FNBP4: variants seen among roughly 807,000 people sequenced by gnomAD.
FNBP4 encodes formin binding protein 4.
In FNBP4, 34 loss-of-function variants were observed where a neutral mutation model predicts 119.3. The observed-to-expected ratio is 0.28, with a 90% CI of 0.22 to 0.38. The LOEUF (loss-of-function observed/expected upper bound fraction) is 0.38. Ranked by LOEUF, FNBP4 falls within the 10% of genes least tolerant of loss-of-function variation. The probability of loss-of-function intolerance (pLI) is 1.00; values close to 1 mark genes in which losing one functional copy is unlikely to be tolerated. For missense variants in FNBP4, 1,112 were observed against 1,228.9 expected, an observed-to-expected ratio of 0.90 and a Z score of 1.42; for synonymous variants, 462 against 430.6, an observed-to-expected ratio of 1.07 and a Z score of -0.90.
At chr11:47,761,133 A>G (rs1241913009) in intron 2 of FNBP4, among the ~76,000 whole-genome samples, 1 of 152,234 alleles carries the variant, frequency 6.6e-6, no homozygotes, top group Non-Finnish European at 1.5e-5. Flanking sequence ...ATGAAATATT[A>G]CTAAAGGGAT....
At chr11:47,721,867 G>A (rs1411959648) in intron 15 of FNBP4, among the ~76,000 whole-genome samples, 2 of 143,138 alleles carry the variant, frequency 1.4e-5, no homozygotes, top group African/African-American at 5.2e-5. Flanking sequence ...GAATTACAGC[G>A]TTCCCATTTT....
At position 47,751,031 on chromosome 11, in the gene FNBP4, A is replaced by G; in HGVS notation, c.791T>C (p.Val264Ala). The change falls in exon 6 of 17, where the codon GTG becomes GCG. Residue 264 changes from valine to alanine, a missense_variant. Around this residue, in one of 2 missense-constraint regions of FNBP4, gnomAD observed 826 missense variants for 988.8 expected, o/e 0.84. Coordinates refer to ENST00000263773, the MANE Select transcript of FNBP4 (RefSeq NM_015308.5). Reference sequence around the variant, plus strand: ...CACAAAACTAGTTTCAGCACCTGGCACAGAACTAAAAAAATATATACTTAG... The same window carrying G: ...CACAAAACTAGTTTCAGCACCTGGCGCAGAACTAAAAAAATATATACTTAG... The part of the protein sequence containing the change: ...QGLQHYQPSS[V>A]PGAETSFVVN... The G allele has an allele frequency of 6.2e-7, 1 of 1,613,654 alleles. No homozygotes were observed. Among genetic ancestry groups the G allele is most frequent in the Non-Finnish European group, 8.5e-7 (1 of 1,179,916 alleles).
chr11:47,749,143 G>A (rs1225404849), intron 6 of FNBP4, among the ~76,000 whole-genome samples: 1 of 151,962 alleles, frequency 6.6e-6, no homozygotes, highest in Non-Finnish European at 1.5e-5. Flanking sequence ...GCATGGTGGT[G>A]CACACCTGTA....
chr11:47,752,751 T>C lies in FNBP4; in HGVS notation c.637+165A>G, dbSNP rs1467258539. On this transcript the variant is annotated intron_variant, in intron 4 of 16. Coordinates refer to ENST00000263773, the MANE Select transcript of FNBP4 (RefSeq NM_015308.5). ...ACTGTCTGAACCCAGGAGGTGGAGG[T>C]TGGAGCGAGCCAAGATCGCGCCAGT... 5.2e-5 allele frequency: 30 copies of C among 575,160 alleles called. No individual in the cohort carries two copies. In the East Asian group the frequency reaches 6.2e-4, roughly 12 times the overall value. 35.6% of individuals were successfully genotyped at this position (575,160 alleles called of 1,614,324 possible). A position where few individuals can be genotyped will look rare whatever the true frequency, so the allele number is the denominator to read the frequency against.
intron 6 of FNBP4, 119 bp downstream of exon 6, chr11:47,750,797 A>C (rs976528702): frequency 9.3e-7 from 1 of 1,073,816 alleles, no homozygotes; most frequent in South Asian, 1.7e-5. Context: ...GAAAGTTATG[A>C]AACTTATCCT....
chr11:47,728,935 C>A (rs2097564325), intron 12 of FNBP4, among the ~76,000 whole-genome samples: 1 of 150,498 alleles, frequency 6.6e-6, no homozygotes, highest in Non-Finnish European at 1.5e-5. Flanking sequence ...TCACTGCAAC[C>A]TTCGCCTCCC....
At position 47,746,825 on chromosome 11, in the gene FNBP4, C is replaced by G. The variant is rs373244258; in HGVS notation, c.907-431G>C. On this transcript the variant is annotated intron_variant, in intron 6 of 16. Coordinates refer to ENST00000263773, the MANE Select transcript of FNBP4 (RefSeq NM_015308.5). ...CGTGCCCGGCCAAAACCACTTACTC[C>G]CAACAGGTGAGTATATATTTATACC... 1.1e-3 allele frequency among the ~76,000 whole-genome samples: 172 copies of G among 152,060 alleles called. 5 individuals are homozygous for G. The South Asian group carries it at 0.034, about 30-fold the overall frequency.
chr11:47,727,363 C>T (rs1280100389), intron 12 of FNBP4, among the ~76,000 whole-genome samples: 1 of 151,446 alleles, frequency 6.6e-6, no homozygotes, highest in Non-Finnish European at 1.5e-5. Context: ...GATTCTCCTG[C>T]CTCAGCCTCG....
intron 2 of FNBP4, among the ~76,000 whole-genome samples, chr11:47,758,230 G>A (rs2097624243): frequency 6.6e-6 from 1 of 152,120 alleles, no homozygotes; most frequent in African/African-American, 2.4e-5. Flanking sequence ...GACTAGAGAT[G>A]CGCACCACTG....
At chr11:47,740,882 A>C (rs1371472957) in intron 8 of FNBP4, among the ~76,000 whole-genome samples, 1 of 146,650 alleles carries the variant, frequency 6.8e-6, no homozygotes, top group Non-Finnish European at 1.5e-5. Flanking sequence ...GAGCCACTGC[A>C]CCCAGCCACA....
intron 12 of FNBP4, among the ~76,000 whole-genome samples, chr11:47,728,522 G>A (rs1434724830): frequency 6.6e-6 from 1 of 152,124 alleles, no homozygotes; most frequent in Non-Finnish European, 1.5e-5. Flanking sequence ...TGGGATTACA[G>A]CCGTGAGCTG....
intron 6 of FNBP4, among the ~76,000 whole-genome samples, 164 bp downstream of exon 6, chr11:47,750,752 C>T (rs188890532): frequency 2.1e-5 from 3 of 145,506 alleles, no homozygotes; most frequent in South Asian, 2.2e-4. Context: ...AGTGAGTAAC[C>T]GCTATAAAGG....
Position 47,723,250 on chromosome 11 carries a change from A to G in FNBP4, c.2531T>C (p.Leu844Pro), listed in dbSNP as rs770392191. ...CTGATGACCCATTCCTGCTGCTGGA[A>G]GGCTAACTGGTATTGTCTGATGTCC... ...GIGHQTIPVS[L>P]PAAGMGHQAR... Residue 844 changes from leucine (L) to proline (P), a missense_variant, in exon 15 of 17, where the codon CTT (leucine) becomes CCT (proline). Coordinates refer to ENST00000263773, the MANE Select transcript of FNBP4 (RefSeq NM_015308.5). 2 of 1,614,050 alleles carry G rather than the reference A, an allele frequency of 1.2e-6. No individual in the cohort carries two copies. Among genetic ancestry groups the G allele is most frequent in the Non-Finnish European group, 1.7e-6 (2 of 1,180,042 alleles).
At chr11:47,753,131 G>T in intron 3 of FNBP4, 29 bp from the exon 4 acceptor site, 1 of 1,544,194 alleles carries the variant, frequency 6.5e-7, no homozygotes, top group Non-Finnish European at 8.7e-7. Context: ...AACAAATGCA[G>T]TAATTATATC....
At chr11:47,761,110 A>G (rs535522283) in intron 2 of FNBP4, among the ~76,000 whole-genome samples, 21 of 152,312 alleles carry the variant, frequency 1.4e-4, no homozygotes, top group African/African-American at 5.0e-4. Context: ...AAATCAGACT[A>G]TTATAGAATC....
At position 47,765,376 on chromosome 11, in the gene FNBP4, A is replaced by AAAGAAAAG. The variant is rs564505141; in HGVS notation, c.221-22_221-15dup. On this transcript the variant is annotated splice_polypyrimidine_tract_variant and intron_variant, in intron 1 of 16. Coordinates refer to ENST00000263773, the MANE Select transcript of FNBP4 (RefSeq NM_015308.5). Reference sequence around the variant, plus strand: ...CTTCCTGTTCATCTGGATTAAAAAAAAAGAAAAGAAAAGAAAAGAAAAGAA... The same window carrying AAAGAAAAG: ...CTTCCTGTTCATCTGGATTAAAAAAAAAGAAAAGAAGAAAAGAAAAGAAAAGAAAAGAA... 7,510 of 973,954 alleles carry AAAGAAAAG rather than the reference A, an allele frequency of 7.7e-3. 419 individuals carry two copies. In the African/African-American group the frequency reaches 0.13, roughly 17 times the overall value. 60.3% of individuals were successfully genotyped at this position (973,954 alleles called of 1,614,324 possible).
chr11:47,731,247 G>T, intron 12 of FNBP4, 127 bp downstream of exon 12: 4 of 896,842 alleles, frequency 4.5e-6, no homozygotes, highest in Non-Finnish European at 6.4e-6. Flanking sequence ...CCTTGTTTTA[G>T]TTCACACCAC....
At chr11:47,725,818 GT>G in intron 12 of FNBP4, 1 of 980,150 alleles carries the variant, frequency 1.0e-6, no homozygotes, top group Non-Finnish European at 1.2e-6. Context: ...TCCCAGGAAT[GT>G]TGAAGGGGAT....
chr11:47,754,470 A>G, intron 3 of FNBP4, 58 bp downstream of exon 3: 1 of 1,577,622 alleles, frequency 6.3e-7, no homozygotes, highest in Non-Finnish European at 8.6e-7. Context: ...TGACCACTTA[A>G]GATCCAGGTC....
Sources: allele counts gnomAD v4.1 joint callset (sites outside exome capture counted in the v4.1 genomes callset), GRCh38; gene constraint gnomAD v4.1.1; regional missense constraint gnomAD v4.1.1; transcripts MANE v1.5; gene names NCBI Gene and HGNC (gene_info 2026-07-23, HGNC 2026-07-21).